NRXN3: variants seen among roughly 807,000 people sequenced by gnomAD.
NRXN3 encodes the protein neurexin 3.
Under a neutral mutation model 137.6 loss-of-function variants are expected in NRXN3, and 32 were observed. That is an observed-to-expected ratio of 0.23 (90% CI 0.18 to 0.31). NRXN3 has a LOEUF of 0.31. Among genes scored for constraint, NRXN3 ranks in the 10% least tolerant of loss-of-function variants. The probability of loss-of-function intolerance (pLI) is 1.00; values close to 1 mark genes in which losing one functional copy is unlikely to be tolerated. For synonymous variants in NRXN3, 798 were observed against 784.5 expected (o/e 1.02, Z -0.29); for missense variants, 1,574 against 2,062.5 (o/e 0.76, Z 4.59).
chr14:78,814,803 C>A (rs2098926669), intron 10 of NRXN3, among the ~76,000 whole-genome samples: 1 of 152,058 alleles, frequency 6.6e-6, no homozygotes, highest in Non-Finnish European at 1.5e-5. Flanking sequence ...TGGAAAATGA[C>A]TTTTTGTCTT....
At chr14:79,463,953 A>G (rs1459352152) in intron 15 of NRXN3, among the ~76,000 whole-genome samples, 1 of 152,158 alleles carries the variant, frequency 6.6e-6, no homozygotes, top group Non-Finnish European at 1.5e-5. Flanking sequence ...TTTTATTTGA[A>G]TATGTAAAAC....
At chr14:79,320,420 G>T (rs1257983299) in intron 15 of NRXN3, among the ~76,000 whole-genome samples, 1 of 152,138 alleles carries the variant, frequency 6.6e-6, no homozygotes, top group African/African-American at 2.4e-5. Flanking sequence ...TCTCCGCATT[G>T]TTAATGGGTA....
chr14:79,280,496 A>G (rs756961575), intron 15 of NRXN3: 51 of 1,613,404 alleles, frequency 3.2e-5, no homozygotes, highest in Admixed American at 5.0e-5. Flanking sequence ...CTCAGTGCCT[A>G]TTTCTATCTA....
At chr14:79,656,614 CTCT>C (rs1191066309) in intron 16 of NRXN3, among the ~76,000 whole-genome samples, 6 of 145,676 alleles carry the variant, frequency 4.1e-5, no homozygotes, top group African/African-American at 1.3e-4. Flanking sequence ...CTCTCTCTCT[CTCT>C]TTTTTTTTTT....
intron 8 of NRXN3, among the ~76,000 whole-genome samples, chr14:78,792,311 A>G (rs2098808257): frequency 6.6e-6 from 1 of 151,376 alleles, no homozygotes; most frequent in South Asian, 2.1e-4. Context: ...TGATCACATA[A>G]CTAATTTGAA....
At chr14:78,311,236 A>C (rs2153543287) in intron 4 of NRXN3, among the ~76,000 whole-genome samples, 1 of 152,308 alleles carries the variant, frequency 6.6e-6, no homozygotes, top group African/African-American at 2.4e-5. Context: ...TGGTATATCC[A>C]GTGCCTGTAA....
intron 14 of NRXN3, among the ~76,000 whole-genome samples, chr14:78,987,646 G>C (rs2099509682): frequency 6.6e-6 from 1 of 151,590 alleles, no homozygotes; most frequent in African/African-American, 2.4e-5. Flanking sequence ...TAATTTATAA[G>C]AATCATGGGA....
chr14:78,368,442 G>A (rs766449204), intron 4 of NRXN3, among the ~76,000 whole-genome samples: 7 of 152,200 alleles, frequency 4.6e-5, no homozygotes, highest in East Asian at 1.9e-4. Flanking sequence ...CGGGCACAGC[G>A]GCTTACGCCT....
intron 15 of NRXN3, among the ~76,000 whole-genome samples, chr14:79,235,054 A>G (rs558018430): frequency 7.2e-4 from 109 of 152,256 alleles, no homozygotes; most frequent in Non-Finnish European, 1.2e-3. Context: ...TACATTAAGT[A>G]TGTTTTTAGA....
At chr14:78,616,103 C>A (rs1256631658) in intron 4 of NRXN3, among the ~76,000 whole-genome samples, 1 of 152,214 alleles carries the variant, frequency 6.6e-6, no homozygotes, top group Non-Finnish European at 1.5e-5. Flanking sequence ...TCACTCAGCT[C>A]CTCCAGTGGA....
chr14:78,275,331 G>T (rs893909362), intron 2 of NRXN3, among the ~76,000 whole-genome samples: 2 of 152,144 alleles, frequency 1.3e-5, no homozygotes, highest in African/African-American at 4.8e-5. Flanking sequence ...CGGCCAATAG[G>T]TATTGAATGG....
intron 4 of NRXN3, among the ~76,000 whole-genome samples, chr14:78,457,184 GCACACCAC>G (rs1447626882): frequency 1.3e-5 from 2 of 151,888 alleles, no homozygotes; most frequent in African/African-American, 4.8e-5. Flanking sequence ...AATTACAAGT[GCACACCAC>G]CACACTCAGC....
intron 8 of NRXN3, among the ~76,000 whole-genome samples, chr14:78,778,507 C>A (rs2098751977): frequency 6.6e-6 from 1 of 152,100 alleles, no homozygotes; most frequent in Non-Finnish European, 1.5e-5. Context: ...ATCCTACTTT[C>A]TTCCTAAAGC....
chr14:78,278,620 C>T, intron 2 of NRXN3, 25 bp from the exon 3 acceptor site: 1 of 1,531,294 alleles, frequency 6.5e-7, no homozygotes, highest in Non-Finnish European at 8.7e-7. Flanking sequence ...TCTCCCTTTC[C>T]CTCCCTTTGA....
chr14:78,657,452 C>T (rs1457800958), intron 6 of NRXN3, among the ~76,000 whole-genome samples: 1 of 152,210 alleles, frequency 6.6e-6, no homozygotes, highest in African/African-American at 2.4e-5. Flanking sequence ...CCACTGAGAC[C>T]TCTGGGACAG....
intron 4 of NRXN3, among the ~76,000 whole-genome samples, chr14:78,489,449 G>T (rs1249187126): frequency 6.6e-6 from 1 of 152,108 alleles, no homozygotes; most frequent in African/African-American, 2.4e-5. Context: ...TTAGAGGGAG[G>T]AATGGGAAAG....
chr14:79,413,359 CT>C (rs1308100131), intron 15 of NRXN3, among the ~76,000 whole-genome samples: 1 of 152,140 alleles, frequency 6.6e-6, no homozygotes, highest in Non-Finnish European at 1.5e-5. Context: ...CTCCTTCCAT[CT>C]GTGCTGTTTG....
At chr14:79,415,621 G>A (rs2095485645) in intron 15 of NRXN3, among the ~76,000 whole-genome samples, 2 of 152,080 alleles carry the variant, frequency 1.3e-5, no homozygotes. Context: ...TTTTCTTAAT[G>A]CATTCATGTA....
chr14:78,405,619 G>GGT (rs1555510796), intron 4 of NRXN3, among the ~76,000 whole-genome samples: 3 of 141,824 alleles, frequency 2.1e-5, no homozygotes, highest in African/African-American at 7.7e-5. Context: ...GGGGCGGGGG[G>GGT]GTTCCGGGTA....
Sources: gnomAD v4.1 joint callset for allele counts (sites outside exome capture counted in the v4.1 genomes callset) on GRCh38, gnomAD v4.1.1 for gene constraint, MANE v1.5 for transcripts, NCBI Gene and HGNC (gene_info 2026-07-23, HGNC 2026-07-21) for gene names.